Variants in CPA6 observed in about 807,000 individuals in gnomAD.
CPA6 encodes the protein carboxypeptidase A6, also known as carboxypeptidase B.
A neutral mutation model predicts 63.3 loss-of-function variants in CPA6; 58 were observed. The ratio of observed to expected loss-of-function variants is 0.92; its 90% confidence interval spans 0.74 to 1.14. CPA6 has a LOEUF of 1.14. Among genes scored for constraint, CPA6 ranks in the 50% most tolerant of loss-of-function variants. The probability of loss-of-function intolerance (pLI) is 0.00; values close to 1 mark genes in which losing one functional copy is unlikely to be tolerated. For synonymous variants in CPA6, 185 were observed against 179.0 expected (o/e 1.03, Z -0.27); for missense variants, 565 against 526.6 (o/e 1.07, Z -0.71).
intron 8 of CPA6, among the ~76,000 whole-genome samples, chr8:67,455,220 G>A (rs1290585621): frequency 6.6e-6 from 1 of 152,170 alleles, no homozygotes; most frequent in Non-Finnish European, 1.5e-5. Flanking sequence ...ATGAGGCTGT[G>A]CTCCAGTTAC....
At chr8:67,612,755 T>C (rs2128985311) in intron 2 of CPA6, among the ~76,000 whole-genome samples, 1 of 152,342 alleles carries the variant, frequency 6.6e-6, no homozygotes, top group African/African-American at 2.4e-5. Context: ...CTGATGAATA[T>C]GCAAAAGCTT....
chr8:67,643,223 T>C (rs552753229), intron 1 of CPA6, among the ~76,000 whole-genome samples: 4 of 152,070 alleles, frequency 2.6e-5, no homozygotes, highest in Non-Finnish European at 5.9e-5. Flanking sequence ...CAACTACCAG[T>C]TTCTCAATGG....
intron 2 of CPA6, among the ~76,000 whole-genome samples, chr8:67,554,960 T>C (rs13268227): frequency 0.49 from 73,980 of 152,062 alleles, 19,224 homozygotes; most frequent in Non-Finnish European, 0.59. Flanking sequence ...TCCAATCGTC[T>C]GAATCACAAG....
chr8:67,742,256 G>A (rs1817927553), intron 1 of CPA6, among the ~76,000 whole-genome samples: 1 of 152,074 alleles, frequency 6.6e-6, no homozygotes, highest in Admixed American at 6.5e-5. Flanking sequence ...CATCACCCTA[G>A]AGAAGGTGAC....
intron 8 of CPA6, 86 bp from the exon 9 acceptor site, chr8:67,434,326 T>A: frequency 9.6e-7 from 1 of 1,037,940 alleles, no homozygotes. Context: ...CTGTGATTTT[T>A]CTTTTATTTC....
intron 1 of CPA6, 22 bp downstream of exon 1, chr8:67,745,992 G>A (rs776577090): frequency 5.7e-6 from 9 of 1,567,008 alleles, no homozygotes; most frequent in Non-Finnish European, 7.9e-6. Flanking sequence ...GCTGTGTAGG[G>A]CATGAATGTC....
At chr8:67,518,083 A>T in intron 2 of CPA6, 36 bp from the exon 3 acceptor site, 2 of 1,496,702 alleles carry the variant, frequency 1.3e-6, no homozygotes, top group Admixed American at 4.7e-5. Context: ...TTCATATCCA[A>T]CGTAGGGGGG....
At chr8:67,658,270 T>C (rs1304483655) in intron 1 of CPA6, among the ~76,000 whole-genome samples, 1 of 152,232 alleles carries the variant, frequency 6.6e-6, no homozygotes, top group Non-Finnish European at 1.5e-5. Flanking sequence ...GTGCTGATTG[T>C]AATGCTTTCT....
At chr8:67,654,114 C>T (rs1052721460) in intron 1 of CPA6, among the ~76,000 whole-genome samples, 5 of 152,100 alleles carry the variant, frequency 3.3e-5, no homozygotes, top group Non-Finnish European at 7.4e-5. Context: ...GGTGGATAAG[C>T]TTTTTGATGT....
intron 1 of CPA6, among the ~76,000 whole-genome samples, chr8:67,685,798 C>T (rs1376817340): frequency 6.6e-6 from 1 of 152,170 alleles, no homozygotes; most frequent in African/African-American, 2.4e-5. Flanking sequence ...TACGAGGTCA[C>T]CAAAGGTCTT....
chr8:67,721,053 G>C (rs35569716), intron 1 of CPA6, among the ~76,000 whole-genome samples: 10,026 of 152,210 alleles, frequency 0.066, 481 homozygotes, highest in Non-Finnish European at 0.096. Flanking sequence ...TAATACAAAG[G>C]TTCAACATTA....
intron 8 of CPA6, among the ~76,000 whole-genome samples, chr8:67,464,973 G>T (rs1400785976): frequency 1.3e-5 from 2 of 152,116 alleles, no homozygotes; most frequent in East Asian, 3.8e-4. Flanking sequence ...TTTTGCTTAG[G>T]ATTGCTGTGG....
At chr8:67,713,427 G>T (rs899313185) in intron 1 of CPA6, among the ~76,000 whole-genome samples, 2 of 151,928 alleles carry the variant, frequency 1.3e-5, no homozygotes, top group Non-Finnish European at 2.9e-5. Flanking sequence ...TGTCTGCATG[G>T]ATACTTAGCT....
intron 1 of CPA6, among the ~76,000 whole-genome samples, chr8:67,649,043 T>G (rs559015602): frequency 6.6e-6 from 1 of 152,246 alleles, no homozygotes; most frequent in Admixed American, 6.5e-5. Context: ...GAGGTGATTG[T>G]TTTTTACCTC....
intron 8 of CPA6, among the ~76,000 whole-genome samples, chr8:67,434,803 G>A (rs1386709488): frequency 1.3e-5 from 2 of 152,208 alleles, no homozygotes; most frequent in South Asian, 2.1e-4. Context: ...AGTGGCGGTG[G>A]CCCCAAAGGA....
chr8:67,651,929 T>A (rs1314623917), intron 1 of CPA6, among the ~76,000 whole-genome samples: 1 of 151,922 alleles, frequency 6.6e-6, no homozygotes, highest in Non-Finnish European at 1.5e-5. Flanking sequence ...AGTGTGATGT[T>A]CCCCTACCTG....
chr8:67,712,074 A>G (rs1280244173), intron 1 of CPA6, among the ~76,000 whole-genome samples: 1 of 152,128 alleles, frequency 6.6e-6, no homozygotes, highest in Admixed American at 6.5e-5. Flanking sequence ...CCACACTGAT[A>G]TGTGCGCTTG....
intron 2 of CPA6, among the ~76,000 whole-genome samples, chr8:67,554,961 G>C (rs1001687358): frequency 6.6e-6 from 1 of 152,146 alleles, no homozygotes; most frequent in Non-Finnish European, 1.5e-5. Context: ...CCAATCGTCT[G>C]AATCACAAGC....
chr8:67,648,098 C>G (rs1815752596), intron 1 of CPA6, among the ~76,000 whole-genome samples: 1 of 151,910 alleles, frequency 6.6e-6, no homozygotes, highest in South Asian at 2.1e-4. Flanking sequence ...TCCTTTGGCC[C>G]CTATAGGGGG....
Sources: allele counts gnomAD v4.1 joint callset (sites outside exome capture counted in the v4.1 genomes callset), GRCh38; gene constraint gnomAD v4.1.1; transcripts MANE v1.5; gene names NCBI Gene and HGNC (gene_info 2026-07-23, HGNC 2026-07-21).